Variants in EFNA5 observed in about 807,000 individuals in gnomAD.
The protein encoded by EFNA5 is ephrin-A5.
In EFNA5, 5 loss-of-function variants were observed where a neutral mutation model predicts 22.9. That is an observed-to-expected ratio of 0.22 (90% CI 0.11 to 0.46). The LOEUF is 0.46. Among genes scored for constraint, EFNA5 ranks in the 20% least tolerant of loss-of-function variants. The probability of loss-of-function intolerance (pLI) is 0.99; values close to 1 mark genes in which losing one functional copy is unlikely to be tolerated. For synonymous variants in EFNA5, 113 were observed against 112.2 expected, an observed-to-expected ratio of 1.01 and a Z score of -0.04; for missense variants, 237 against 293.3, an observed-to-expected ratio of 0.81 and a Z score of 1.40.
chr5:107,602,307 A>G (rs1222226220), intron 1 of EFNA5, among the ~76,000 whole-genome samples: 1 of 152,188 alleles, frequency 6.6e-6, no homozygotes, highest in African/African-American at 2.4e-5. Flanking sequence ...TATTGATGAG[A>G]CAGAATTTGG....
intron 1 of EFNA5, among the ~76,000 whole-genome samples, chr5:107,633,186 G>T (rs1163178043): frequency 6.6e-6 from 1 of 151,960 alleles, no homozygotes; most frequent in Non-Finnish European, 1.5e-5. Flanking sequence ...ATACCAATGG[G>T]GTCAAGACTC....
chr5:107,527,307 T>A (rs972903805), intron 1 of EFNA5, among the ~76,000 whole-genome samples: 1 of 149,240 alleles, frequency 6.7e-6, no homozygotes, highest in Non-Finnish European at 1.5e-5. Context: ...TTTTTTGAGA[T>A]GGAGTCTCGG....
intron 1 of EFNA5, among the ~76,000 whole-genome samples, chr5:107,564,631 G>GTTTTTTTTTTT (rs34585445): frequency 8.7e-6 from 1 of 115,036 alleles, no homozygotes; most frequent in East Asian, 2.5e-4. Context: ...TTGGGTTTTT[G>GTTTTTTTTTTT]TTTTTTTTTT....
intron 1 of EFNA5, among the ~76,000 whole-genome samples, chr5:107,655,007 C>T (rs1246180723): frequency 1.5e-5 from 2 of 133,848 alleles, no homozygotes; most frequent in African/African-American, 5.0e-5. Flanking sequence ...TCAACATGCG[C>T]TCATGGAAAA....
At chr5:107,412,997 A>G (rs1748411169) in intron 2 of EFNA5, among the ~76,000 whole-genome samples, 1 of 152,192 alleles carries the variant, frequency 6.6e-6, no homozygotes, top group African/African-American at 2.4e-5. Flanking sequence ...AGCTACCATT[A>G]ATTTTGACAG....
intron 1 of EFNA5, among the ~76,000 whole-genome samples, chr5:107,549,017 A>G (rs1474679846): frequency 6.6e-6 from 1 of 152,190 alleles, no homozygotes; most frequent in Non-Finnish European, 1.5e-5. Flanking sequence ...TAATTGATTT[A>G]CCCAATAGTT....
At chr5:107,416,306 T>C (rs1032097419) in intron 2 of EFNA5, among the ~76,000 whole-genome samples, 3 of 152,208 alleles carry the variant, frequency 2.0e-5, no homozygotes, top group Non-Finnish European at 4.4e-5. Context: ...TTGCCAATGA[T>C]GCTTGAAATC....
chr5:107,528,115 A>G lies in EFNA5; in HGVS notation c.126-100606T>C, dbSNP rs146942056. Among the ~76,000 whole-genome samples, 119 of 152,322 alleles carry G rather than the reference A, an allele frequency of 7.8e-4. 5 individuals carry two copies. The East Asian group carries it at 0.022, about 28-fold the overall frequency. Reference sequence around the variant, plus strand: ...GCTGGTAATTGACAGGCAGTATAGCAGGAGTTACTCTTCAGCTCTGTCATC... The same window carrying G: ...GCTGGTAATTGACAGGCAGTATAGCGGGAGTTACTCTTCAGCTCTGTCATC... On this transcript the variant is annotated intron_variant, in intron 1 of 4. Transcript: ENST00000333274.
chr5:107,447,639 A>C (rs930582134), intron 1 of EFNA5, among the ~76,000 whole-genome samples: 21 of 152,198 alleles, frequency 1.4e-4, no homozygotes, highest in Non-Finnish European at 2.8e-4. Context: ...AGACTTCAAA[A>C]GAGTTCAGAA....
intron 1 of EFNA5, among the ~76,000 whole-genome samples, chr5:107,634,235 A>G (rs1211434120): frequency 6.6e-6 from 1 of 152,044 alleles, no homozygotes; most frequent in Non-Finnish European, 1.5e-5. Flanking sequence ...TGATTTGAAA[A>G]TTCATAATGG....
chr5:107,574,544 A>C (rs1748886376), intron 1 of EFNA5, among the ~76,000 whole-genome samples: 1 of 152,220 alleles, frequency 6.6e-6, no homozygotes, highest in African/African-American at 2.4e-5. Flanking sequence ...TATTCTCATA[A>C]GAAGATTTTT....
At chr5:107,597,568 A>T (rs565210083) in intron 1 of EFNA5, among the ~76,000 whole-genome samples, 9 of 152,308 alleles carry the variant, frequency 5.9e-5, no homozygotes, top group Non-Finnish European at 7.4e-5. Context: ...CTTTTCACAA[A>T]CAAAAAACTT....
At chr5:107,403,954 C>A (rs1025853646) in intron 2 of EFNA5, among the ~76,000 whole-genome samples, 1 of 152,154 alleles carries the variant, frequency 6.6e-6, no homozygotes, top group African/African-American at 2.4e-5. Context: ...CCTGTAAACC[C>A]TTTATGTAAT....
intron 1 of EFNA5, among the ~76,000 whole-genome samples, chr5:107,427,710 T>G (rs576014545): frequency 6.6e-6 from 1 of 152,156 alleles, no homozygotes; most frequent in Non-Finnish European, 1.5e-5. Context: ...TACAGTGAGA[T>G]TCCATTATAT....
At chr5:107,455,724 T>G (rs1016682122) in intron 1 of EFNA5, among the ~76,000 whole-genome samples, 2 of 152,216 alleles carry the variant, frequency 1.3e-5, no homozygotes, top group Non-Finnish European at 2.9e-5. Context: ...TGCACAGACA[T>G]GAGGCACCCA....
intron 1 of EFNA5, among the ~76,000 whole-genome samples, chr5:107,525,988 C>A (rs1747689503): frequency 6.6e-6 from 1 of 152,096 alleles, no homozygotes; most frequent in Non-Finnish European, 1.5e-5. Context: ...CATATTTATA[C>A]TGTACTATAG....
At chr5:107,606,184 G>A (rs1749708189) in intron 1 of EFNA5, among the ~76,000 whole-genome samples, 1 of 152,120 alleles carries the variant, frequency 6.6e-6, no homozygotes, top group South Asian at 2.1e-4. Flanking sequence ...ATGCAATGAA[G>A]CCACTTTTTA....
chr5:107,416,498 CG>C (rs1748509602), intron 2 of EFNA5, among the ~76,000 whole-genome samples: 1 of 151,996 alleles, frequency 6.6e-6, no homozygotes, highest in African/African-American at 2.4e-5. Context: ...ATGATAGTAC[CG>C]GCCTCACAGA....
intron 1 of EFNA5, among the ~76,000 whole-genome samples, chr5:107,475,168 A>G (rs1750248545): frequency 6.6e-6 from 1 of 152,222 alleles, no homozygotes; most frequent in African/African-American, 2.4e-5. Flanking sequence ...AGCACAGTGA[A>G]TAAACAATCC....
Sources: allele counts gnomAD v4.1 joint callset (sites outside exome capture counted in the v4.1 genomes callset), GRCh38; gene constraint gnomAD v4.1.1; transcripts MANE v1.5; gene names NCBI Gene and HGNC (gene_info 2026-07-23, HGNC 2026-07-21).